MAN2A2: variants seen among roughly 807,000 people sequenced by gnomAD.
The protein encoded by MAN2A2 is alpha-mannosidase 2x.
MAN2A2 carries 79 observed loss-of-function variants against 126.8 expected under a neutral mutation model. The observed-to-expected ratio is 0.62, with a 90% CI of 0.52 to 0.75. The LOEUF (loss-of-function observed/expected upper bound fraction) is 0.75. Ranked by LOEUF, MAN2A2 falls within the 30% of genes least tolerant of loss-of-function variation. The pLI is 0.00. For synonymous variants in MAN2A2, 671 were observed against 618.7 expected, an observed-to-expected ratio of 1.08 and a Z score of -1.25; for missense variants, 1,392 against 1,522.4, an observed-to-expected ratio of 0.91 and a Z score of 1.43.
chr15:90,912,333 G>A, intron 15 of MAN2A2, 54 bp downstream of exon 15: 2 of 1,596,228 alleles, frequency 1.3e-6, no homozygotes, highest in African/African-American at 1.3e-5. Context: ...GGCGTGTGTG[G>A]TGGTGGCACT....
Position 90,919,791 on chromosome 15 carries a change from T to A in MAN2A2, c.*4T>A. The A allele has an allele frequency of 6.2e-7, 1 of 1,613,940 alleles. No individual in the cohort carries two copies. Among genetic ancestry groups the A allele is most frequent in the Non-Finnish European group, 8.5e-7 (1 of 1,179,900 alleles). On this transcript the variant is annotated 3_prime_UTR_variant, in exon 23 of 23. Transcript: ENST00000559717. ...CTTTCGCCTCCGCTTGGGTTAGGGC[T>A]TCTTGTGGCCTGAAGAGAAAGTTCA...
Position 90,905,671 on chromosome 15 carries a change from G to T in MAN2A2, c.483G>T (p.Trp161Cys). The part of the protein sequence containing the change: ...GFDISYDPHD[W>C]DAEDLQVFVV... ...ACATCTCCTACGACCCGCACGACTG[G>T]GATGCTGAAGACCTGCAGGTGTTTG... The change falls in exon 4 of 23, where the codon TGG (tryptophan) becomes TGT (cysteine). Residue 161 changes from tryptophan to cysteine, a missense_variant. Transcript: ENST00000559717. 6.2e-7 allele frequency: 1 copy of T among 1,614,174 alleles called. No individual in the cohort carries two copies. The highest frequency in any genetic ancestry group is 8.5e-7 in the Non-Finnish European group (1 of 1,180,022).
intron 8 of MAN2A2, 54 bp downstream of exon 8, chr15:90,907,549 G>A: frequency 6.5e-7 from 1 of 1,549,396 alleles, no homozygotes; most frequent in Non-Finnish European, 8.7e-7. Flanking sequence ...CCTGGCTCTG[G>A]TCTGGGCCGT....
chr15:90,916,091 G>A, intron 19 of MAN2A2, 32 bp from the exon 20 acceptor site: 1 of 1,608,972 alleles, frequency 6.2e-7, no homozygotes, highest in Non-Finnish European at 8.5e-7. Context: ...TGGGGGTGGG[G>A]GCGGGCCAGC....
At chr15:90,911,320 A>G in intron 13 of MAN2A2, 65 bp from the exon 14 acceptor site, 1 of 1,612,520 alleles carries the variant, frequency 6.2e-7, no homozygotes, top group Non-Finnish European at 8.5e-7. Context: ...GTGCTGAACC[A>G]GTGCAGGGCG....
chr15:90,914,649 A>T (rs754288486), intron 19 of MAN2A2, among the ~76,000 whole-genome samples: 8 of 152,078 alleles, frequency 5.3e-5, no homozygotes, highest in Non-Finnish European at 1.0e-4. Flanking sequence ...CCTCCTGAGT[A>T]GCTGGGATTA....
rs776175706 is a variant in MAN2A2 at position 90,910,499 on chromosome 15, A to T, written c.1578-2A>T. 1.2e-6 allele frequency: 2 copies of T among 1,613,670 alleles called. No individual in the cohort carries two copies. The highest frequency in any genetic ancestry group is 2.2e-5 in the South Asian group (2 of 91,086). The stretch of plus-strand genomic sequence containing the variant: ...TGGCAGCTAACTTCTCTCTCTGGGC[A>T]GGGGGGCAGAGGTTCTGTACAGCCT... On this transcript the variant is annotated splice_acceptor_variant, in intron 10 of 22. Coordinates refer to ENST00000559717, the MANE Select transcript of MAN2A2 (RefSeq NM_006122.4). LOFTEE classifies it high-confidence loss of function.
At chr15:90,911,979 G>A in intron 14 of MAN2A2, 64 bp from the exon 15 acceptor site, 1 of 1,355,458 alleles carries the variant, frequency 7.4e-7, no homozygotes, top group Non-Finnish European at 1.0e-6. Flanking sequence ...TTAGTAAGCG[G>A]ATGCCTCAGC....
intron 7 of MAN2A2, 109 bp from the exon 8 acceptor site, chr15:90,907,200 G>A: frequency 1.7e-6 from 2 of 1,147,246 alleles, no homozygotes; most frequent in Non-Finnish European, 2.5e-6. Flanking sequence ...CCTAGGTCCA[G>A]TTACAGCCTC....
intron 15 of MAN2A2, 44 bp from the exon 16 acceptor site, chr15:90,912,498 C>T: frequency 6.2e-7 from 1 of 1,606,438 alleles, no homozygotes; most frequent in Non-Finnish European, 8.5e-7. Context: ...GCAGGCCTGA[C>T]ATGCTGGTGT....
chr15:90,903,887 C>G (rs537511874), intron 1 of MAN2A2: 2 of 415,998 alleles, frequency 4.8e-6, no homozygotes, highest in Non-Finnish European at 9.1e-6. Flanking sequence ...CAGGCACCTC[C>G]TATCTAGGCA....
chr15:90,911,221 GC>G lies in MAN2A2; in HGVS notation c.1927del (p.Leu643TrpfsTer271). 6.2e-7 allele frequency: 1 copy of G among 1,614,094 alleles called. No homozygotes were observed. On this transcript the variant is annotated frameshift_variant, in exon 13 of 23. Coordinates refer to ENST00000559717, the MANE Select transcript of MAN2A2 (RefSeq NM_006122.4). LOFTEE classifies it high-confidence loss of function. ...CCCTCCCAGAGCGCACGGTGATCCA[GC>G]TGGATTCCTCGCCCAGGTAACCTGG... ...DALPERTVIQ[L>X]DSSPRFVVLF...
rs192524805 is a variant in MAN2A2, at chr15:90,917,284, T to C, written c.2995-910T>C. Among the ~76,000 whole-genome samples the C allele has an allele frequency of 3.9e-5, 6 of 152,284 alleles. No homozygotes were observed. In the East Asian group the frequency reaches 1.2e-3, roughly 29 times the overall value. On this transcript the variant is annotated intron_variant, in intron 20 of 22. Transcript: ENST00000559717. ...CTTGGCTGGTGCTGGGCTAGAGTGC[T>C]AGGGGGAGATCAGGGCAGACGGCAG... is the stretch of plus-strand genomic sequence containing the variant.
In MAN2A2 at chr15:90,907,341, A is replaced by C; in HGVS notation, c.1042A>C (p.Met348Leu). The change falls in exon 8 of 23, where the codon ATG becomes CTG. Residue 348 changes from methionine (M) to leucine (L), a missense_variant. By Grantham distance (15) the Met-to-Leu change is conservative. Transcript: ENST00000559717. ...SDSSTDIFCH[M>L]MPFYSYDVPH... The stretch of plus-strand genomic sequence containing the variant: ...CTCCAGCACAGACATCTTCTGTCAC[A>C]TGATGCCCTTCTACAGCTATGACGT... 1 of 1,614,078 alleles carries C rather than the reference A, an allele frequency of 6.2e-7. No homozygotes were observed. The highest frequency in any genetic ancestry group is 8.5e-7 in the Non-Finnish European group (1 of 1,179,972).
chr15:90,917,257 C>A (rs887916933), intron 20 of MAN2A2, among the ~76,000 whole-genome samples: 4 of 152,202 alleles, frequency 2.6e-5, no homozygotes, highest in African/African-American at 9.6e-5. Context: ...GCAGAATGCC[C>A]TCTTGGCTGG....
chr15:90,905,008 G>A (rs568790413), intron 2 of MAN2A2, among the ~76,000 whole-genome samples: 1 of 152,316 alleles, frequency 6.6e-6, no homozygotes, highest in South Asian at 2.1e-4. Flanking sequence ...TAGGTGAAAG[G>A]AAATCTTTGC....
intron 14 of MAN2A2, 44 bp downstream of exon 14, chr15:90,911,594 G>T: frequency 1.3e-6 from 2 of 1,567,436 alleles, no homozygotes; most frequent in South Asian, 2.3e-5. Flanking sequence ...TCTGCCCGTC[G>T]TGGGCCCCTC....
Position 90,905,470 on chromosome 15 carries a change from T to C in MAN2A2, c.352T>C (p.Phe118Leu). ...CTCCATCTCCCCGCAGGACTGCCAG[T>C]TTGCTTTGGGGGGCCGGGGTCAGAA... The part of the protein sequence containing the change: ...FFSISPQDCQ[F>L]ALGGRGQKPE... Residue 118 changes from phenylalanine to leucine, a missense_variant, in exon 3 of 23, where the codon TTT becomes CTT. Coordinates refer to ENST00000559717, the MANE Select transcript of MAN2A2 (RefSeq NM_006122.4). 1 of 1,613,882 alleles carries C rather than the reference T, an allele frequency of 6.2e-7. No homozygotes were observed.
intron 12 of MAN2A2, 82 bp from the exon 13 acceptor site, chr15:90,911,089 C>T (rs151139636): frequency 1.6e-5 from 24 of 1,519,228 alleles, no homozygotes; most frequent in African/African-American, 2.8e-5. Flanking sequence ...CCAGTGCAGC[C>T]GCTGGTCCAC....
Sources: gnomAD v4.1 joint callset for allele counts (sites outside exome capture counted in the v4.1 genomes callset) on GRCh38, gnomAD v4.1.1 for gene constraint, MANE v1.5 for transcripts, NCBI Gene and HGNC (gene_info 2026-07-23, HGNC 2026-07-21) for gene names.